The following ADAMTSL1 variants were observed in gnomAD, a reference collection of about 807,000 sequenced individuals.
ADAMTSL1 encodes the protein ADAMTS like 1.
Under a neutral mutation model 201.8 loss-of-function variants are expected in ADAMTSL1, and 126 were observed. The ratio of observed to expected loss-of-function variants is 0.62; its 90% CI spans 0.54 to 0.72. ADAMTSL1 has a LOEUF of 0.72. Ranked by LOEUF, ADAMTSL1 falls within the 30% of genes least tolerant of loss-of-function variation. ADAMTSL1 has a pLI of 0.00. For synonymous variants in ADAMTSL1, 1,121 were observed against 903.4 expected (o/e 1.24, Z -4.32); for missense variants, 2,679 against 2,277.8 (o/e 1.18, Z -3.59).
intron 2 of ADAMTSL1, among the ~76,000 whole-genome samples, chr9:18,220,337 A>G (rs751253327): frequency 6.6e-6 from 1 of 152,184 alleles, no homozygotes; most frequent in Non-Finnish European, 1.5e-5. Context: ...CATGATAGAT[A>G]AATGGTGAAT....
intron 3 of ADAMTSL1, among the ~76,000 whole-genome samples, chr9:18,536,798 C>T (rs975466579): frequency 6.6e-6 from 1 of 152,178 alleles, no homozygotes; most frequent in African/African-American, 2.4e-5. Context: ...CACCACAAGA[C>T]TAAGTGAAGG....
intron 2 of ADAMTSL1, among the ~76,000 whole-genome samples, chr9:18,353,364 T>C (rs1836062544): frequency 6.6e-6 from 1 of 152,176 alleles, no homozygotes. Context: ...AAGTGTCTAG[T>C]TCTAGCACAA....
At chr9:18,724,450 T>A (rs751304911) in intron 15 of ADAMTSL1, among the ~76,000 whole-genome samples, 9 of 152,244 alleles carry the variant, frequency 5.9e-5, no homozygotes, top group Non-Finnish European at 1.3e-4. Context: ...AAATACATCC[T>A]CATACCTGGT....
intron 2 of ADAMTSL1, among the ~76,000 whole-genome samples, chr9:18,300,027 T>C (rs1833637810): frequency 6.6e-6 from 1 of 152,166 alleles, no homozygotes; most frequent in African/African-American, 2.4e-5. Flanking sequence ...TGTAAATTAG[T>C]TCAACCATTG....
At chr9:17,989,922 T>G (rs1390744593) in intron 1 of ADAMTSL1, among the ~76,000 whole-genome samples, 1 of 151,766 alleles carries the variant, frequency 6.6e-6, no homozygotes, top group African/African-American at 2.4e-5. Flanking sequence ...AAACATCTTT[T>G]TTTTTTTTTT....
chr9:18,038,727 C>G lies in ADAMTSL1; in HGVS notation c.88-125135C>G, dbSNP rs184151199. 3.3e-5 allele frequency among the ~76,000 whole-genome samples: 5 copies of G among 152,290 alleles called. No homozygotes were observed. The East Asian group carries it at 9.6e-4, about 29-fold the overall frequency. On this transcript the variant is annotated intron_variant, in intron 1 of 29. Transcript: ENST00000680146. Reference sequence around the variant, plus strand: ...TTCTCAGCTGTCTGTCTTCTAACAACTTACCACCAACTTTTCACATGAAGT... The same window carrying G: ...TTCTCAGCTGTCTGTCTTCTAACAAGTTACCACCAACTTTTCACATGAAGT...
At chr9:18,782,979 C>T (rs1219637398) in intron 19 of ADAMTSL1, among the ~76,000 whole-genome samples, 3 of 152,224 alleles carry the variant, frequency 2.0e-5, no homozygotes, top group African/African-American at 7.2e-5. Context: ...ACACTGAGTA[C>T]TACAGGAAGA....
At chr9:18,397,600 T>C (rs1403184336) in intron 2 of ADAMTSL1, among the ~76,000 whole-genome samples, 1 of 152,134 alleles carries the variant, frequency 6.6e-6, no homozygotes, top group Non-Finnish European at 1.5e-5. Context: ...CCCTGATTAT[T>C]TGAACCAAAA....
intron 15 of ADAMTSL1, among the ~76,000 whole-genome samples, chr9:18,742,362 A>G (rs1388851493): frequency 6.6e-6 from 1 of 152,224 alleles, no homozygotes; most frequent in Non-Finnish European, 1.5e-5. Context: ...CTTAATCCCA[A>G]GGCACTTGAT....
intron 23 of ADAMTSL1, among the ~76,000 whole-genome samples, chr9:18,878,058 G>C (rs560771905): frequency 1.8e-3 from 271 of 152,278 alleles, no homozygotes; most frequent in Non-Finnish European, 1.2e-3. Flanking sequence ...AGTGGGGAAA[G>C]CTGGCAGTGA....
chr9:18,067,257 G>T (rs959712436), intron 1 of ADAMTSL1, among the ~76,000 whole-genome samples: 12 of 152,028 alleles, frequency 7.9e-5, no homozygotes, highest in African/African-American at 2.7e-4. Flanking sequence ...TAACTTTCTC[G>T]TTGTTAAGGT....
chr9:18,315,151 C>A (rs1325299018), intron 2 of ADAMTSL1, among the ~76,000 whole-genome samples: 1 of 152,090 alleles, frequency 6.6e-6, no homozygotes, highest in Non-Finnish European at 1.5e-5. Flanking sequence ...TGACAGGGTG[C>A]TGATTGGTGC....
intron 1 of ADAMTSL1, among the ~76,000 whole-genome samples, chr9:18,026,057 T>A (rs1285512011): frequency 3.3e-5 from 5 of 151,994 alleles, no homozygotes; most frequent in Non-Finnish European, 5.9e-5. Flanking sequence ...TGAATGTCAC[T>A]GGTGTATCCT....
intron 1 of ADAMTSL1, among the ~76,000 whole-genome samples, chr9:18,483,405 G>C (rs1821827432): frequency 6.6e-6 from 1 of 152,096 alleles, no homozygotes; most frequent in South Asian, 2.1e-4. Context: ...TATACTGTGT[G>C]GCCCCTTTAG....
chr9:18,019,978 A>G (rs971299612), intron 1 of ADAMTSL1, among the ~76,000 whole-genome samples: 15 of 152,010 alleles, frequency 9.9e-5, no homozygotes, highest in African/African-American at 3.6e-4. Flanking sequence ...TATGCCTCCT[A>G]TTTACTTCCA....
At chr9:18,494,517 T>C (rs2131871988) in intron 1 of ADAMTSL1, among the ~76,000 whole-genome samples, 1 of 152,252 alleles carries the variant, frequency 6.6e-6, no homozygotes, top group East Asian at 1.9e-4. Flanking sequence ...ATCTAGGCAC[T>C]ATCAAGATCA....
intron 13 of ADAMTSL1, among the ~76,000 whole-genome samples, chr9:18,689,714 A>G (rs1831097609): frequency 6.6e-6 from 1 of 152,180 alleles, no homozygotes; most frequent in African/African-American, 2.4e-5. Context: ...GGGATATGCC[A>G]GTTGCTTTGG....
At chr9:18,845,768 C>G (rs567029289) in intron 23 of ADAMTSL1, among the ~76,000 whole-genome samples, 1 of 152,324 alleles carries the variant, frequency 6.6e-6, no homozygotes, top group African/African-American at 2.4e-5. Context: ...TTACTTCTTT[C>G]TCCAACACTG....
intron 14 of ADAMTSL1, chr9:18,718,532 C>G: frequency 3.8e-6 from 2 of 523,330 alleles, no homozygotes; most frequent in Non-Finnish European, 7.7e-6. Context: ...ATGCATGATG[C>G]AAACTTGTCG....
Sources: allele counts gnomAD v4.1 joint callset (sites outside exome capture counted in the v4.1 genomes callset), GRCh38; gene constraint gnomAD v4.1.1; transcripts MANE v1.5; gene names NCBI Gene and HGNC (gene_info 2026-07-23, HGNC 2026-07-21).